Variants in XKR6 observed in about 807,000 individuals in gnomAD.
XKR6 encodes XK-related protein 6.
In XKR6, 22 loss-of-function variants were observed where a neutral mutation model predicts 56.7. The ratio of observed to expected loss-of-function variants is 0.39; its 90% CI spans 0.28 to 0.55. The LOEUF (loss-of-function observed/expected upper bound fraction) is 0.55. Ranked by LOEUF, XKR6 falls within the 20% of genes least tolerant of loss-of-function variation. XKR6 has a pLI of 0.66. For synonymous variants in XKR6, 524 were observed against 387.8 expected (o/e 1.35, Z -4.13); for missense variants, 852 against 889.0 (o/e 0.96, Z 0.53).
At chr8:11,015,933 G>C (rs1010420689) in intron 1 of XKR6, among the ~76,000 whole-genome samples, 1 of 152,002 alleles carries the variant, frequency 6.6e-6, no homozygotes, top group African/African-American at 2.4e-5. Flanking sequence ...TCCAAGTCCC[G>C]ACTCCTGCGG....
intron 1 of XKR6, among the ~76,000 whole-genome samples, chr8:11,178,876 C>T (rs528808885): frequency 6.6e-6 from 1 of 151,580 alleles, no homozygotes; most frequent in South Asian, 2.1e-4. Flanking sequence ...CACTCAGGCA[C>T]CCAGGTTGGA....
Position 11,151,174 on chromosome 8 carries a change from T to A in XKR6, c.764+49402A>T, listed in dbSNP as rs546133673. On this transcript the variant is annotated intron_variant, in intron 1 of 2. Transcript: ENST00000416569. ...CCCCGCAAGTGACATACTCATTGGA[T>A]ATTTGGAAAATAATAATTTTTGTCC... Among the ~76,000 whole-genome samples, 123 of 152,304 alleles carry A rather than the reference T, an allele frequency of 8.1e-4. 1 individual carries two copies. The highest frequency in any genetic ancestry group is 2.9e-3 in the African/African-American group (121 of 41,570).
At chr8:11,110,439 G>C (rs1423556545) in intron 1 of XKR6, among the ~76,000 whole-genome samples, 3 of 152,184 alleles carry the variant, frequency 2.0e-5, no homozygotes, top group East Asian at 1.9e-4. Context: ...CTATACACTA[G>C]TTTCGGAAAT....
chr8:10,977,760 G>C (rs984976676), intron 1 of XKR6, among the ~76,000 whole-genome samples: 8 of 151,410 alleles, frequency 5.3e-5, no homozygotes, highest in African/African-American at 1.9e-4. Context: ...AACGTGGGAA[G>C]GTTACTGGAC....
intron 1 of XKR6, chr8:11,035,212 T>A (rs1459733039): frequency 7.5e-6 from 4 of 534,384 alleles, no homozygotes; most frequent in East Asian, 1.1e-4. Context: ...GCTGCTCGGA[T>A]GATGATGATG....
intron 1 of XKR6, among the ~76,000 whole-genome samples, chr8:10,963,417 G>A (rs538729229): frequency 1.3e-5 from 2 of 152,316 alleles, no homozygotes; most frequent in East Asian, 3.9e-4. Flanking sequence ...CCCTAGACAC[G>A]GCTTTGCTTC....
chr8:10,984,606 G>A (rs1483460714), intron 1 of XKR6, among the ~76,000 whole-genome samples: 1 of 150,602 alleles, frequency 6.6e-6, no homozygotes, highest in African/African-American at 2.4e-5. Flanking sequence ...TGACTAGATT[G>A]CAGAGTACAG....
At chr8:11,193,339 A>T (rs1187966274) in intron 1 of XKR6, among the ~76,000 whole-genome samples, 1 of 152,204 alleles carries the variant, frequency 6.6e-6, no homozygotes, top group Non-Finnish European at 1.5e-5. Flanking sequence ...ATGAGAAGAA[A>T]TTTTTTGTTA....
At chr8:11,147,172 T>A (rs918401752) in intron 1 of XKR6, among the ~76,000 whole-genome samples, 1 of 152,120 alleles carries the variant, frequency 6.6e-6, no homozygotes, top group South Asian at 2.1e-4. Flanking sequence ...ATGCTCTTGA[T>A]GGTGTTAATG....
intron 1 of XKR6, among the ~76,000 whole-genome samples, chr8:11,196,990 T>C (rs546186434): frequency 6.6e-6 from 1 of 152,314 alleles, no homozygotes; most frequent in South Asian, 2.1e-4. Flanking sequence ...GAGAGCTGCA[T>C]ATCCAAATTC....
intron 2 of XKR6, among the ~76,000 whole-genome samples, chr8:10,912,335 TATATATATG>T (rs1800411793): frequency 1.0e-5 from 1 of 97,942 alleles, no homozygotes; most frequent in Non-Finnish European, 2.1e-5. Context: ...TATATATATA[TATATATATG>T]GAGAGAGAGA....
intron 1 of XKR6, among the ~76,000 whole-genome samples, chr8:11,033,374 T>C (rs1799048304): frequency 6.7e-6 from 1 of 149,912 alleles, no homozygotes; most frequent in Non-Finnish European, 1.5e-5. Flanking sequence ...GTGATGGTGA[T>C]GGTGGTGGTG....
chr8:10,897,082 C>T lies in XKR6; in HGVS notation c.*870G>A, dbSNP rs1586277347. The T allele has an allele frequency of 6.6e-6, 1 of 152,486 alleles. No individual in the cohort carries two copies. The highest frequency in any genetic ancestry group is 1.9e-4 in the East Asian group (1 of 5,178). 9.4% of individuals were successfully genotyped at this position (152,486 alleles called of 1,614,324 possible). The stretch of plus-strand genomic sequence containing the variant: ...TATTGCGGTGGCTTTTTGTTTTGTT[C>T]TGGTTTGCTTTTCACTGGGAAACGA... On this transcript the variant is annotated 3_prime_UTR_variant, in exon 3 of 3. Transcript: ENST00000416569.
intron 1 of XKR6, among the ~76,000 whole-genome samples, chr8:11,176,693 C>G (rs761072670): frequency 6.6e-6 from 1 of 152,184 alleles, no homozygotes; most frequent in Admixed American, 6.5e-5. Context: ...GCCACAGCCT[C>G]GAGGACTCTT....
chr8:11,001,657 G>T (rs1023751956), intron 1 of XKR6, among the ~76,000 whole-genome samples: 4 of 152,206 alleles, frequency 2.6e-5, no homozygotes, highest in Non-Finnish European at 5.9e-5. Flanking sequence ...GGTTGTAGCC[G>T]TTGCTGCACC....
At chr8:10,940,656 A>G (rs1030400984) in intron 1 of XKR6, among the ~76,000 whole-genome samples, 3 of 152,154 alleles carry the variant, frequency 2.0e-5, no homozygotes, top group Non-Finnish European at 4.4e-5. Context: ...GGGGCTCCCA[A>G]GATCTCACCA....
chr8:11,087,287 G>A (rs58478925), intron 1 of XKR6, among the ~76,000 whole-genome samples: 2,986 of 152,244 alleles, frequency 0.02, 81 homozygotes, highest in African/African-American at 0.068. Context: ...TTGGTGAACC[G>A]TCCACATGCT....
intron 1 of XKR6, among the ~76,000 whole-genome samples, chr8:10,990,669 T>C (rs189330634): frequency 1.4e-4 from 21 of 152,222 alleles, no homozygotes; most frequent in African/African-American, 4.8e-4. Flanking sequence ...AACCTCAACT[T>C]CTCAGCTTCA....
At chr8:11,066,577 A>G (rs555964337) in intron 1 of XKR6, among the ~76,000 whole-genome samples, 245 of 152,254 alleles carry the variant, frequency 1.6e-3, no homozygotes, top group African/African-American at 5.4e-3. Context: ...TCAGCAATCA[A>G]TCAAGACAGC....
Sources: allele counts gnomAD v4.1 joint callset (sites outside exome capture counted in the v4.1 genomes callset), GRCh38; gene constraint gnomAD v4.1.1; transcripts MANE v1.5; gene names NCBI Gene and HGNC (gene_info 2026-07-23, HGNC 2026-07-21).